OTUD7B: variants seen among roughly 807,000 people sequenced by gnomAD.
OTUD7B encodes the protein OTU deubiquitinase 7B.
A neutral mutation model predicts 82.2 loss-of-function variants in OTUD7B; 34 were observed. That is an observed-to-expected ratio of 0.41 (90% CI 0.31 to 0.55). The LOEUF (loss-of-function observed/expected upper bound fraction) is 0.55, where lower values mean the gene tolerates loss of function less well. Among genes scored for constraint, OTUD7B ranks in the 20% least tolerant of loss-of-function variants. The pLI is 0.20. For synonymous variants in OTUD7B, 398 were observed against 402.7 expected (o/e 0.99, Z 0.14); for missense variants, 944 against 1,062.1 (o/e 0.89, Z 1.55).
chr1:150,024,774 G>A, the OTUD7B span, among the ~76,000 whole-genome samples: 19,479 of 152,202 alleles, frequency 0.13, 1,693 homozygotes, highest in East Asian at 0.33. Context: ...TTAGCCGGGC[G>A]TGGTGGCTCA....
chr1:149,943,849 C>T lies in OTUD7B; in HGVS notation c.*8G>A, dbSNP rs1393907841. The T allele has an allele frequency of 3.1e-6, 5 of 1,613,108 alleles. No homozygotes were observed. The highest frequency in any genetic ancestry group is 4.2e-6 in the Non-Finnish European group (5 of 1,179,486). On this transcript the variant is annotated 3_prime_UTR_variant, in exon 12 of 12. Coordinates refer to ENST00000581312, the MANE Select transcript of OTUD7B (RefSeq NM_020205.4). ...TTTAGCCTCCTTGCCCTTCAGTGTTCCACCCGTTCAGAACCTGTGCACCAG... is the reference window on the plus strand; with the variant it reads ...TTTAGCCTCCTTGCCCTTCAGTGTTTCACCCGTTCAGAACCTGTGCACCAG...
chr1:150,017,017 G>A, the OTUD7B span, among the ~76,000 whole-genome samples: 4 of 152,128 alleles, frequency 2.6e-5, no homozygotes, highest in Non-Finnish European at 5.9e-5. Context: ...CTATAAATGT[G>A]TTTATCAGTC....
At chr1:150,000,871 C>T (rs1175366101) in intron 1 of OTUD7B, among the ~76,000 whole-genome samples, 2 of 151,482 alleles carry the variant, frequency 1.3e-5, no homozygotes, top group South Asian at 2.1e-4. Flanking sequence ...CCCAGCTGCT[C>T]GGGAGGCTGA....
chr1:149,981,888 G>A (rs781954156), intron 1 of OTUD7B, among the ~76,000 whole-genome samples: 4 of 152,244 alleles, frequency 2.6e-5, no homozygotes, highest in East Asian at 1.9e-4. Context: ...AGTGGCTCAC[G>A]ACTGTAATCC....
At chr1:150,042,335 G>C in the OTUD7B span, among the ~76,000 whole-genome samples, 1 of 151,462 alleles carries the variant, frequency 6.6e-6, no homozygotes, top group African/African-American at 2.4e-5. Context: ...ACCACACCCA[G>C]CTAATTTTTG....
chr1:150,038,375 GTTTA>G, the OTUD7B span, among the ~76,000 whole-genome samples: 3 of 149,924 alleles, frequency 2.0e-5, no homozygotes, highest in Non-Finnish European at 3.0e-5. Context: ...TCTTTAAATT[GTTTA>G]TTTATTTATT....
Position 149,949,745 on chromosome 1 carries a change from A to G in OTUD7B, c.1007T>C (p.Leu336Pro), listed in dbSNP as rs782159281. 2 of 1,614,218 alleles carry G rather than the reference A, an allele frequency of 1.2e-6. No individual in the cohort carries two copies. Among genetic ancestry groups the G allele is most frequent in the Non-Finnish European group, 1.7e-6 (2 of 1,180,030 alleles). Residue 336 changes from leucine (L) to proline (P), a missense_variant, in exon 9 of 12, where the codon CTG becomes CCG. Leu to Pro is a moderately conservative substitution (Grantham distance 98). Transcript: ENST00000581312. The stretch of plus-strand genomic sequence containing the variant: ...CTGGCTGGCTGGGACCTCCAAAGGC[A>G]GATAGATTCCTCCAAAGGGAATAGG... ...FAPIPFGGIY[L>P]PLEVPASQCH...
chr1:149,955,076 C>A (rs587730896), intron 7 of OTUD7B, among the ~76,000 whole-genome samples: 1 of 152,198 alleles, frequency 6.6e-6, no homozygotes, highest in African/African-American at 2.4e-5. Flanking sequence ...TATTTCTTGC[C>A]TTCTGCTAGC....
chr1:149,958,322 C>T (rs1184088994), intron 7 of OTUD7B, among the ~76,000 whole-genome samples: 8 of 86,396 alleles, frequency 9.3e-5, no homozygotes, highest in African/African-American at 1.3e-4. Flanking sequence ...AAAGGACTAC[C>T]TTTTTTTTTT....
chr1:150,054,394 T>A, the OTUD7B span: 1 of 541,838 alleles, frequency 1.8e-6, no homozygotes, highest in Non-Finnish European at 3.6e-6. Flanking sequence ...TGACTGGACC[T>A]CTGGTCCTCA....
At chr1:149,985,548 A>G (rs587678250) in intron 1 of OTUD7B, among the ~76,000 whole-genome samples, 11 of 152,234 alleles carry the variant, frequency 7.2e-5, no homozygotes, top group Non-Finnish European at 1.2e-4. Context: ...GACCAGCCTG[A>G]GCAATGTAGC....
rs782263900 is a variant in OTUD7B, at chr1:149,944,073, A to G, written c.2316T>C (p.Ala772=). 15 of 1,614,062 alleles carry G rather than the reference A, an allele frequency of 9.3e-6. No homozygotes were observed. Among genetic ancestry groups the G allele is most frequent in the Non-Finnish European group, 1.1e-5 (13 of 1,180,030 alleles). Reference sequence around the variant, plus strand: ...CTCTGTAGCCATTGCTATAGGAATCAGCCACTCGGTAGGGGGGTGGTAACA... The same window carrying G: ...CTCTGTAGCCATTGCTATAGGAATCGGCCACTCGGTAGGGGGGTGGTAACA... ...GALLPPPYRV[A]DSYSNGYREP... is the part of the protein sequence containing the mutation. Residue 772 remains alanine (A), a synonymous_variant, in exon 12 of 12, where the codon GCT becomes GCC. Coordinates refer to ENST00000581312, the MANE Select transcript of OTUD7B (RefSeq NM_020205.4).
At chr1:149,989,898 A>G (rs1031415302) in intron 1 of OTUD7B, among the ~76,000 whole-genome samples, 2 of 152,154 alleles carry the variant, frequency 1.3e-5, no homozygotes, top group Admixed American at 6.5e-5. Context: ...TTTGCTAGCC[A>G]TACTTAAATC....
the OTUD7B span, among the ~76,000 whole-genome samples, chr1:150,055,398 A>G: frequency 6.6e-6 from 1 of 151,384 alleles, no homozygotes. Context: ...AAAAAATAAC[A>G]GATGCTGATG....
At chr1:150,034,258 G>C in the OTUD7B span, among the ~76,000 whole-genome samples, 1 of 152,050 alleles carries the variant, frequency 6.6e-6, no homozygotes, top group African/African-American at 2.4e-5. Context: ...TAAGTCTGTG[G>C]GATATGATTA....
chr1:150,050,015 C>G, the OTUD7B span, among the ~76,000 whole-genome samples: 1 of 151,968 alleles, frequency 6.6e-6, no homozygotes, highest in Non-Finnish European at 1.5e-5. Flanking sequence ...AATTCAAGAC[C>G]AGCCTAGGCA....
chr1:150,051,281 G>A, the OTUD7B span, among the ~76,000 whole-genome samples: 1 of 139,454 alleles, frequency 7.2e-6, no homozygotes, highest in Non-Finnish European at 1.5e-5. Context: ...TTTGTTACAA[G>A]AGCACAAGAA....
the OTUD7B span, among the ~76,000 whole-genome samples, chr1:150,033,030 T>C: frequency 6.6e-6 from 1 of 152,192 alleles, no homozygotes; most frequent in Non-Finnish European, 1.5e-5. Context: ...CATTCTGTAA[T>C]TACTCAGTTT....
At chr1:149,968,280 A>G (rs1167637443) in intron 3 of OTUD7B, among the ~76,000 whole-genome samples, 2 of 145,938 alleles carry the variant, frequency 1.4e-5, no homozygotes, top group African/African-American at 5.5e-5. Context: ...AAAAAAAAAG[A>G]CAATCAACAA....
Sources: gnomAD v4.1 joint callset for allele counts (sites outside exome capture counted in the v4.1 genomes callset) on GRCh38, gnomAD v4.1.1 for gene constraint, MANE v1.5 for transcripts, NCBI Gene and HGNC (gene_info 2026-07-23, HGNC 2026-07-21) for gene names.